The following LIPC variants were observed in gnomAD, a reference collection of about 807,000 sequenced individuals.
LIPC encodes lipase C, hepatic type, also known as hepatic triacylglycerol lipase.
In LIPC, 44 loss-of-function variants were observed where a neutral mutation model predicts 50.7. The ratio of observed to expected loss-of-function variants is 0.87; its 90% confidence interval spans 0.68 to 1.11. The LOEUF (loss-of-function observed/expected upper bound fraction) is 1.11, where lower values mean the gene tolerates loss of function less well. LIPC is among the 50% of genes most tolerant of loss of function. LIPC has a pLI of 0.00. For synonymous variants in LIPC, 271 were observed against 256.4 expected (o/e 1.06, Z -0.54); for missense variants, 697 against 648.2 (o/e 1.08, Z -0.82).
rs375455752 is a variant in LIPC at position 58,568,780 on chromosome 15, G to A, written c.1453G>A (p.Val485Met). 1.2e-5 allele frequency: 19 copies of A among 1,610,506 alleles called. No homozygotes were observed. Among genetic ancestry groups the A allele is most frequent in the East Asian group, 4.5e-5 (2 of 44,776 alleles). ...LLRPTQEKIF[V>M]KCEIKSKTSK... The stretch of plus-strand genomic sequence containing the variant: ...TCGCCCAACCCAGGAAAAAATCTTC[G>A]TGAAATGTGAAATAAAGTCTAAAAC... Residue 485 changes from valine to methionine, a missense_variant, in exon 9 of 9, where the codon GTG (valine) becomes ATG (methionine). Transcript: ENST00000299022.
chr15:58,543,082 G>A (rs1383354247), intron 4 of LIPC, among the ~76,000 whole-genome samples: 1 of 152,138 alleles, frequency 6.6e-6, no homozygotes, highest in East Asian at 1.9e-4. Context: ...GTTTTAGTCT[G>A]GGACCCATTT....
At chr15:58,518,290 G>T (rs1210322965) in intron 1 of LIPC, among the ~76,000 whole-genome samples, 1 of 152,206 alleles carries the variant, frequency 6.6e-6, no homozygotes, top group Non-Finnish European at 1.5e-5. Flanking sequence ...TTACCCCTCA[G>T]TTGAAAACCA....
chr15:58,453,953 G>C (rs779696825), intron 1 of LIPC, among the ~76,000 whole-genome samples: 13 of 152,160 alleles, frequency 8.5e-5, no homozygotes, highest in Non-Finnish European at 1.6e-4. Flanking sequence ...AGATGTCCTG[G>C]TGCCACATTT....
At chr15:58,451,604 C>G (rs1457852680) in intron 1 of LIPC, among the ~76,000 whole-genome samples, 1 of 152,188 alleles carries the variant, frequency 6.6e-6, no homozygotes. Flanking sequence ...AATGGGATGT[C>G]TGATTGGTCT....
chr15:58,495,831 C>G (rs1368002145), intron 1 of LIPC, among the ~76,000 whole-genome samples: 1 of 152,184 alleles, frequency 6.6e-6, no homozygotes, highest in African/African-American at 2.4e-5. Context: ...TAACTGATTA[C>G]AGGTTTCTGT....
At chr15:58,527,790 TTAA>T in intron 1 of LIPC, among the ~76,000 whole-genome samples, 1 of 149,452 alleles carries the variant, frequency 6.7e-6, no homozygotes, top group South Asian at 2.2e-4. Context: ...AATAAATGAA[TTAA>T]TGAATGAATG....
chr15:58,512,778 A>C (rs1892367563), intron 1 of LIPC, among the ~76,000 whole-genome samples: 1 of 152,120 alleles, frequency 6.6e-6, no homozygotes, highest in Non-Finnish European at 1.5e-5. Context: ...AGGCGGGGAA[A>C]GGGGATGGAA....
chr15:58,524,229 C>T (rs1378496139), intron 1 of LIPC, among the ~76,000 whole-genome samples: 4 of 152,196 alleles, frequency 2.6e-5, no homozygotes, highest in African/African-American at 9.6e-5. Context: ...CTTACTTTGG[C>T]AACTCAGCAG....
intron 1 of LIPC, among the ~76,000 whole-genome samples, chr15:58,469,277 G>C (rs923698333): frequency 1.3e-5 from 2 of 152,032 alleles, no homozygotes; most frequent in Admixed American, 1.3e-4. Context: ...GGGATCACAG[G>C]CATGAACCAC....
intron 1 of LIPC, among the ~76,000 whole-genome samples, chr15:58,481,208 C>A (rs1383515143): frequency 6.6e-6 from 1 of 152,122 alleles, no homozygotes; most frequent in African/African-American, 2.4e-5. Context: ...ATCCTCATGA[C>A]TTGTGGTGGG....
At chr15:58,555,715 C>T (rs1426732015) in intron 6 of LIPC, among the ~76,000 whole-genome samples, 1 of 152,192 alleles carries the variant, frequency 6.6e-6, no homozygotes, top group African/African-American at 2.4e-5. Context: ...AGGAAACCAA[C>T]AAGGACTGAG....
At chr15:58,535,656 A>G (rs1310526046) in intron 1 of LIPC, among the ~76,000 whole-genome samples, 3 of 152,230 alleles carry the variant, frequency 2.0e-5, no homozygotes, top group Non-Finnish European at 2.9e-5. Context: ...GAAATGTAAG[A>G]TGCTAGATGC....
intron 1 of LIPC, among the ~76,000 whole-genome samples, chr15:58,452,081 G>T (rs1201937006): frequency 6.6e-6 from 1 of 152,164 alleles, no homozygotes; most frequent in African/African-American, 2.4e-5. Flanking sequence ...GATGCTCGGG[G>T]CCCTATTTTC....
intron 1 of LIPC, among the ~76,000 whole-genome samples, chr15:58,457,110 T>C (rs117749052): frequency 0.017 from 2,577 of 152,182 alleles, 26 homozygotes; most frequent in Non-Finnish European, 0.024. Context: ...GAAAACATGA[T>C]TTTTTTATTA....
intron 1 of LIPC, among the ~76,000 whole-genome samples, chr15:58,485,237 A>G (rs1659054349): frequency 6.6e-6 from 1 of 151,886 alleles, no homozygotes; most frequent in Admixed American, 6.6e-5. Context: ...GAGAGTTGAT[A>G]CTCCCTTGGA....
At chr15:58,554,761 G>C (rs528637864) in intron 6 of LIPC, among the ~76,000 whole-genome samples, 1 of 152,196 alleles carries the variant, frequency 6.6e-6, no homozygotes, top group Non-Finnish European at 1.5e-5. Context: ...AGAAGGAGGA[G>C]GAGGAGGAAC....
chr15:58,532,096 T>C (rs1463389030), intron 1 of LIPC, among the ~76,000 whole-genome samples: 2 of 152,096 alleles, frequency 1.3e-5, no homozygotes, highest in East Asian at 1.9e-4. Flanking sequence ...AGAATTACTT[T>C]CAAGAAAAAA....
intron 1 of LIPC, among the ~76,000 whole-genome samples, chr15:58,506,692 C>G (rs1342608412): frequency 7.2e-5 from 11 of 152,336 alleles, no homozygotes; most frequent in African/African-American, 2.6e-4. Flanking sequence ...AAATTATGCT[C>G]TATTCAAAGC....
intron 1 of LIPC, among the ~76,000 whole-genome samples, chr15:58,500,308 TTGTGAGATG>T (rs1891937534): frequency 1.4e-5 from 2 of 144,674 alleles, no homozygotes; most frequent in Non-Finnish European, 3.2e-5. Flanking sequence ...TGAGATGATT[TTGTGAGATG>T]TAAGCGCCCA....
Sources: allele counts gnomAD v4.1 joint callset (sites outside exome capture counted in the v4.1 genomes callset), GRCh38; gene constraint gnomAD v4.1.1; transcripts MANE v1.5; gene names NCBI Gene and HGNC (gene_info 2026-07-23, HGNC 2026-07-21).